The following SRBD1 variants were observed in gnomAD, a reference collection of about 807,000 sequenced individuals.
SRBD1 encodes the protein S1 RNA-binding domain-containing protein 1.
SRBD1 carries 88 observed loss-of-function variants against 115.3 expected under a neutral mutation model. The observed-to-expected ratio is 0.76, with a 90% CI of 0.64 to 0.91. The LOEUF (loss-of-function observed/expected upper bound fraction) is 0.91, where lower values mean the gene tolerates loss of function less well. SRBD1 is among the 40% of genes least tolerant of loss of function. The probability of loss-of-function intolerance (pLI) is 0.00; values close to 1 mark genes in which losing one functional copy is unlikely to be tolerated. For synonymous variants in SRBD1, 509 were observed against 407.7 expected (o/e 1.25, Z -2.99); for missense variants, 1,385 against 1,177.4 (o/e 1.18, Z -2.58).
intron 18 of SRBD1, among the ~76,000 whole-genome samples, chr2:45,417,437 G>C (rs926995077): frequency 6.6e-6 from 1 of 152,072 alleles, no homozygotes; most frequent in African/African-American, 2.4e-5. Context: ...ACCTTATTCT[G>C]TGCTATTCCT....
intron 18 of SRBD1, among the ~76,000 whole-genome samples, chr2:45,414,905 ATAGT>A (rs1420510460): frequency 1.2e-4 from 12 of 101,422 alleles, no homozygotes; most frequent in Non-Finnish European, 2.1e-4. Flanking sequence ...ACACACACAT[ATAGT>A]GTGTATATAG....
intron 19 of SRBD1, among the ~76,000 whole-genome samples, chr2:45,409,249 C>T (rs111923443): frequency 7.7e-4 from 117 of 151,664 alleles, no homozygotes; most frequent in African/African-American, 2.4e-3. Context: ...TCTCCCCCTC[C>T]CCCCAAAAAA....
chr2:45,581,181 T>C (rs557876145), intron 6 of SRBD1, among the ~76,000 whole-genome samples: 1 of 152,140 alleles, frequency 6.6e-6, no homozygotes, highest in South Asian at 2.1e-4. Context: ...TCTAAAACTC[T>C]CTTCCCTGCT....
Position 45,599,172 on chromosome 2 carries a change from C to G in SRBD1, c.648+277G>C, listed in dbSNP as rs141810142. On this transcript the variant is annotated intron_variant, in intron 4 of 20. Coordinates refer to ENST00000263736, the MANE Select transcript of SRBD1 (RefSeq NM_018079.5). ...TAACAATGAACCTGTGGGGGCCCAA[C>G]CAGTTGGTACAATCTGTCTATATAG... is the stretch of plus-strand genomic sequence containing the variant. Among the ~76,000 whole-genome samples the G allele has an allele frequency of 2.3e-3, 346 of 152,276 alleles. 2 individuals carry two copies. Among genetic ancestry groups the G allele is most frequent in the African/African-American group, 8.2e-3 (339 of 41,552 alleles).
At chr2:45,424,743 C>G (rs577681075) in intron 16 of SRBD1, among the ~76,000 whole-genome samples, 6 of 152,178 alleles carry the variant, frequency 3.9e-5, no homozygotes, top group Admixed American at 2.6e-4. Context: ...CCTAGTGTGT[C>G]AAAATCAAAA....
At chr2:45,461,605 A>G (rs1462532118) in intron 16 of SRBD1, among the ~76,000 whole-genome samples, 1 of 151,950 alleles carries the variant, frequency 6.6e-6, no homozygotes, top group African/African-American at 2.4e-5. Flanking sequence ...ACACATCCCC[A>G]CCTTCTCCCA....
intron 19 of SRBD1, among the ~76,000 whole-genome samples, chr2:45,406,586 T>C (rs922706938): frequency 3.9e-5 from 6 of 152,142 alleles, no homozygotes; most frequent in Non-Finnish European, 7.4e-5. Flanking sequence ...CTCTGTACCA[T>C]ACTCCTCTCC....
At chr2:45,512,869 C>A (rs1671010472) in intron 14 of SRBD1, among the ~76,000 whole-genome samples, 1 of 151,946 alleles carries the variant, frequency 6.6e-6, no homozygotes, top group Non-Finnish European at 1.5e-5. Flanking sequence ...GAAATATGGA[C>A]CTCCAAATTC....
chr2:45,534,003 G>A (rs1170172409), intron 14 of SRBD1, among the ~76,000 whole-genome samples: 3 of 151,960 alleles, frequency 2.0e-5, no homozygotes, highest in Non-Finnish European at 2.9e-5. Context: ...ACAAAGATCT[G>A]CAAGAGGGGC....
chr2:45,484,948 T>G (rs1670072862), intron 15 of SRBD1, among the ~76,000 whole-genome samples: 1 of 152,244 alleles, frequency 6.6e-6, no homozygotes. Context: ...CTGAATGATA[T>G]TCTATTGTAT....
At chr2:45,454,090 C>T (rs1419971741) in intron 16 of SRBD1, among the ~76,000 whole-genome samples, 1 of 151,958 alleles carries the variant, frequency 6.6e-6, no homozygotes, top group African/African-American at 2.4e-5. Flanking sequence ...CGTTATCTAG[C>T]AGGATCTATT....
Position 45,413,206 on chromosome 2 carries a change from T to G in SRBD1, c.2421A>C (p.Lys807Asn). 6.2e-7 allele frequency: 1 copy of G among 1,614,134 alleles called. No individual in the cohort carries two copies. Among genetic ancestry groups the G allele is most frequent in the South Asian group, 1.1e-5 (1 of 91,080 alleles). The change falls in exon 19 of 21, where the codon AAA (lysine) becomes AAC (asparagine). Residue 807 changes from lysine to asparagine, a missense_variant. By Grantham distance (94) the Lys-to-Asn change is moderately conservative (BLOSUM62 0). Coordinates refer to ENST00000263736, the MANE Select transcript of SRBD1 (RefSeq NM_018079.5). The stretch of plus-strand genomic sequence containing the variant: ...CATTCACTGCAGTTTTGCTCTTCTT[T>G]TTGCCCTGCTTCTCATTTGTGACCT... ...DVEVTNEKQG[K>N]KKSKTAVNVL...
At chr2:45,432,654 C>G (rs1045840281) in intron 16 of SRBD1, among the ~76,000 whole-genome samples, 16 of 152,204 alleles carry the variant, frequency 1.1e-4, no homozygotes, top group Admixed American at 2.0e-4. Flanking sequence ...CCAATAATCC[C>G]TAAGGACTTC....
chr2:45,490,057 G>T (rs1670247224), intron 14 of SRBD1, among the ~76,000 whole-genome samples: 4 of 152,026 alleles, frequency 2.6e-5, no homozygotes, highest in Non-Finnish European at 4.4e-5. Flanking sequence ...TCAGAGACCA[G>T]CTTCAAAATT....
chr2:45,481,284 C>T (rs1442586535), intron 15 of SRBD1, among the ~76,000 whole-genome samples: 5 of 152,056 alleles, frequency 3.3e-5, no homozygotes, highest in South Asian at 4.2e-4. Context: ...ACTTTCCTGC[C>T]GGCAAGATAA....
At chr2:45,483,327 G>A (rs1157939255) in intron 15 of SRBD1, among the ~76,000 whole-genome samples, 1 of 151,972 alleles carries the variant, frequency 6.6e-6, no homozygotes, top group African/African-American at 2.4e-5. Flanking sequence ...AATTACATTT[G>A]ACACACCAAA....
At chr2:45,535,357 T>C (rs944337737) in intron 14 of SRBD1, among the ~76,000 whole-genome samples, 2 of 152,030 alleles carry the variant, frequency 1.3e-5, no homozygotes, top group African/African-American at 4.8e-5. Context: ...AATGTTTTAT[T>C]TGTAAGAAAC....
chr2:45,432,542 T>G (rs1301477753), intron 16 of SRBD1, among the ~76,000 whole-genome samples: 1 of 152,208 alleles, frequency 6.6e-6, no homozygotes, highest in African/African-American at 2.4e-5. Context: ...ATTCCATGTC[T>G]TTAAGAAGCT....
chr2:45,550,088 A>AT (rs1228012433), intron 12 of SRBD1, among the ~76,000 whole-genome samples: 1 of 152,144 alleles, frequency 6.6e-6, no homozygotes, highest in Non-Finnish European at 1.5e-5. Context: ...CTATAACCCT[A>AT]TTTTTCAAAG....
Sources: gnomAD v4.1 joint callset for allele counts (sites outside exome capture counted in the v4.1 genomes callset) on GRCh38, gnomAD v4.1.1 for gene constraint, MANE v1.5 for transcripts, NCBI Gene and HGNC (gene_info 2026-07-23, HGNC 2026-07-21) for gene names.